The following ZNF292 variants were observed in gnomAD, a reference collection of about 807,000 sequenced individuals.
The protein encoded by ZNF292 is 16 zinc-finger domain protein.
Under a neutral mutation model 217.9 loss-of-function variants are expected in ZNF292, and 26 were observed. That is an observed-to-expected ratio of 0.12 (90% CI 0.09 to 0.17). ZNF292 has a LOEUF of 0.17. Among genes scored for constraint, ZNF292 ranks in the 10% least tolerant of loss-of-function variants. The probability of loss-of-function intolerance (pLI) is 1.00; values close to 1 mark genes in which losing one functional copy is unlikely to be tolerated. For synonymous variants in ZNF292, 1,257 were observed against 1,124.1 expected, an observed-to-expected ratio of 1.12 and a Z score of -2.37; for missense variants, 2,904 against 3,175.2, an observed-to-expected ratio of 0.91 and a Z score of 2.05.
At position 87,257,647 on chromosome 6, in the gene ZNF292, C is replaced by A. The variant is rs1450924564; in HGVS notation, c.4018C>A (p.Pro1340Thr). ...TAGCACCAATGCCCAACAGTCTGCACCTGAAAAAGTTAAAAAAGACCGTGG... is the reference window on the plus strand; with the variant it reads ...TAGCACCAATGCCCAACAGTCTGCAACTGAAAAAGTTAAAAAAGACCGTGG... ...FSSTNAQQSAPEKVKKDRGRG... is the reference protein window; with the variant it reads ...FSSTNAQQSATEKVKKDRGRG... The change falls in exon 8 of 8, where the codon CCT becomes ACT. Residue 1340 changes from proline to threonine, a missense_variant. Physicochemically the swap from Pro to Thr is conservative, Grantham distance 38 (BLOSUM62 -1). Transcript: ENST00000369577. The A allele has an allele frequency of 6.2e-7, 1 of 1,609,230 alleles. No individual in the cohort carries two copies. Among genetic ancestry groups the A allele is most frequent in the Non-Finnish European group, 8.5e-7 (1 of 1,177,704 alleles).
chr6:87,169,179 A>G (rs1318205194), intron 1 of ZNF292, among the ~76,000 whole-genome samples: 1 of 151,994 alleles, frequency 6.6e-6, no homozygotes, highest in Admixed American at 6.5e-5. Context: ...AGCAGCTGCA[A>G]TTACAGGTGC....
intron 4 of ZNF292, chr6:87,222,831 G>T: frequency 2.2e-6 from 1 of 452,960 alleles, no homozygotes; most frequent in East Asian, 6.9e-5. Flanking sequence ...CCTCTTGGCT[G>T]TGACAGTTTT....
chr6:87,186,264 G>A (rs1771649471), intron 1 of ZNF292, among the ~76,000 whole-genome samples: 1 of 152,142 alleles, frequency 6.6e-6, no homozygotes, highest in Non-Finnish European at 1.5e-5. Flanking sequence ...GTTACAAAAA[G>A]TATTTTTTAA....
Position 87,257,592 on chromosome 6 carries a change from T to G in ZNF292, c.3963T>G (p.Pro1321=). Residue 1321 remains proline (P), a synonymous_variant, in exon 8 of 8, where the codon CCT becomes CCG. Coordinates refer to ENST00000369577, the MANE Select transcript of ZNF292 (RefSeq NM_015021.3). ...GTAATGGTGAAAATGCAGTTTTTCC[T>G]TCACAAGTGAATGTTGCAAATAACT... ...KGGNGENAVF[P]SQVNVANNFS... is the part of the protein sequence containing the mutation. 1 of 1,606,428 alleles carries G rather than the reference T, an allele frequency of 6.2e-7. No homozygotes were observed. Among genetic ancestry groups the G allele is most frequent in the Non-Finnish European group, 8.5e-7 (1 of 1,176,000 alleles).
chr6:87,198,505 A>G (rs57421283), intron 1 of ZNF292, among the ~76,000 whole-genome samples: 12,447 of 152,166 alleles, frequency 0.082, 863 homozygotes, highest in African/African-American at 0.19. Flanking sequence ...CGCCCGGCCC[A>G]TTGCATGTTT....
In ZNF292 at chr6:87,258,343, A is replaced by C. The variant is rs772915392; in HGVS notation, c.4714A>C (p.Thr1572Pro). The C allele has an allele frequency of 1.2e-6, 2 of 1,613,630 alleles. No individual in the cohort carries two copies. Among genetic ancestry groups the C allele is most frequent in the Non-Finnish European group, 1.7e-6 (2 of 1,179,778 alleles). ...ATGTAGCAGCTTGCCTGTTTTTCCA[A>C]CGAATGACTTACTACTGAAGACTGT... ...EECSSLPVFPTNDLLLKTVEN... is the reference protein window; with the variant it reads ...EECSSLPVFPPNDLLLKTVEN... Residue 1572 changes from threonine (T) to proline (P), a missense_variant, in exon 8 of 8, where the codon ACG (threonine) becomes CCG (proline). Physicochemically the swap from Thr to Pro is conservative, Grantham distance 38. Coordinates refer to ENST00000369577, the MANE Select transcript of ZNF292 (RefSeq NM_015021.3).
At chr6:87,165,433 C>T (rs936665670) in intron 1 of ZNF292, among the ~76,000 whole-genome samples, 5 of 152,230 alleles carry the variant, frequency 3.3e-5, no homozygotes, top group South Asian at 2.1e-4. Flanking sequence ...GATACTCACC[C>T]GGGAGTAAGA....
At chr6:87,163,835 A>ATT (rs1157909124) in intron 1 of ZNF292, among the ~76,000 whole-genome samples, 2 of 151,958 alleles carry the variant, frequency 1.3e-5, no homozygotes, top group East Asian at 3.8e-4. Flanking sequence ...TCAAACTGGC[A>ATT]TTTTTGGAGA....
chr6:87,157,154 A>C (rs558518267), intron 1 of ZNF292, among the ~76,000 whole-genome samples: 1 of 152,336 alleles, frequency 6.6e-6, no homozygotes, highest in Non-Finnish European at 1.5e-5. Context: ...TATTGTCACA[A>C]ATTATTTGAT....
At chr6:87,217,751 G>A (rs1772862616) in intron 3 of ZNF292, among the ~76,000 whole-genome samples, 2 of 152,096 alleles carry the variant, frequency 1.3e-5, no homozygotes, top group South Asian at 4.1e-4. Context: ...GTTGGAATGG[G>A]AATATTTGGA....
chr6:87,164,105 A>T (rs1294084574), intron 1 of ZNF292, among the ~76,000 whole-genome samples: 8 of 152,308 alleles, frequency 5.3e-5, no homozygotes, highest in Non-Finnish European at 4.4e-5. Flanking sequence ...TAGTACCTTT[A>T]AAAGAACAGC....
intron 1 of ZNF292, among the ~76,000 whole-genome samples, chr6:87,188,967 G>A (rs975009309): frequency 2.0e-5 from 3 of 152,056 alleles, no homozygotes; most frequent in South Asian, 2.1e-4. Flanking sequence ...CACTTTGGGA[G>A]GCCGAGGCGG....
chr6:87,156,504 G>T (rs959572720), intron 1 of ZNF292, among the ~76,000 whole-genome samples: 5 of 152,196 alleles, frequency 3.3e-5, no homozygotes, highest in African/African-American at 1.2e-4. Flanking sequence ...TTTTGGGGCG[G>T]TTTTTCCAGA....
chr6:87,239,528 G>A (rs1313493126), intron 5 of ZNF292, among the ~76,000 whole-genome samples: 6 of 72,028 alleles, frequency 8.3e-5, no homozygotes, highest in African/African-American at 2.1e-4. Flanking sequence ...CTGGCCGGGC[G>A]GGGGCTGCCC....
rs1775288562 is a variant in ZNF292, at chr6:87,257,418, T to G, written c.3789T>G (p.Leu1263=). 3.1e-6 allele frequency: 5 copies of G among 1,613,596 alleles called. No homozygotes were observed. Among genetic ancestry groups the G allele is most frequent in the Non-Finnish European group, 4.2e-6 (5 of 1,179,752 alleles). The change falls in exon 8 of 8, where the codon CTT becomes CTG. Residue 1263 remains leucine, a synonymous_variant. Coordinates refer to ENST00000369577, the MANE Select transcript of ZNF292 (RefSeq NM_015021.3). ...LNIDSGSDPF[L]PLPAESSSMS... is the part of the protein sequence containing the mutation. ...TTGACAGTGGCTCAGATCCTTTCCTTCCTTTACCTGCAGAAAGTAGTTCAA... is the reference window on the plus strand; with the variant it reads ...TTGACAGTGGCTCAGATCCTTTCCTGCCTTTACCTGCAGAAAGTAGTTCAA...
rs545610514 is a variant in ZNF292 at position 87,201,117 on chromosome 6, C to T, written c.169-14786C>T. ...GAAGTAAAAATGGTGGTGGACCAAT[C>T]TCAACCCTGAGATTCCGAGGTAGAC... is the stretch of plus-strand genomic sequence containing the variant. On this transcript the variant is annotated intron_variant, in intron 1 of 7. Coordinates refer to ENST00000369577, the MANE Select transcript of ZNF292 (RefSeq NM_015021.3). Among the ~76,000 whole-genome samples, 113 of 152,296 alleles carry T rather than the reference C, an allele frequency of 7.4e-4. No homozygotes were observed. In the Middle Eastern group the frequency reaches 0.017, roughly 23 times the overall value.
rs1349338177 is a variant in ZNF292, at chr6:87,256,234, A to G, written c.2605A>G (p.Arg869Gly). The change falls in exon 8 of 8, where the codon AGA becomes GGA. Residue 869 changes from arginine to glycine, a missense_variant. This residue lies in a region of ZNF292 where 687 missense variants were observed against 623.0 expected (regional missense o/e 1.10). Coordinates refer to ENST00000369577, the MANE Select transcript of ZNF292 (RefSeq NM_015021.3). ...CACAGCAGAGAATATTGAGAAAGAA[A>G]GATCTATGCTTCCTTCAGAAAATAA... ...QNTAENIEKE[R>G]SMLPSENNIE... 6.2e-7 allele frequency: 1 copy of G among 1,613,760 alleles called. No homozygotes were observed. The highest frequency in any genetic ancestry group is 8.5e-7 in the Non-Finnish European group (1 of 1,179,840).
chr6:87,226,652 T>TATATATAG (rs201588025), intron 4 of ZNF292, among the ~76,000 whole-genome samples: 50 of 138,614 alleles, frequency 3.6e-4, no homozygotes, highest in South Asian at 2.5e-3. Flanking sequence ...TATATCTATA[T>TATATATAG]ATATATAGAT....
chr6:87,192,355 G>T (rs1157736703), intron 1 of ZNF292, among the ~76,000 whole-genome samples: 4 of 151,234 alleles, frequency 2.6e-5, no homozygotes, highest in Non-Finnish European at 5.9e-5. Flanking sequence ...ACTTTTTAGG[G>T]TGAGGGTGGT....
Sources: allele counts gnomAD v4.1 joint callset (sites outside exome capture counted in the v4.1 genomes callset), GRCh38; gene constraint gnomAD v4.1.1; regional missense constraint gnomAD v4.1.1; transcripts MANE v1.5; gene names NCBI Gene and HGNC (gene_info 2026-07-23, HGNC 2026-07-21).